TBC1D22A: variants seen among roughly 807,000 people sequenced by gnomAD.
TBC1D22A encodes the protein TBC1 domain family member 22A.
Under a neutral mutation model 60.2 loss-of-function variants are expected in TBC1D22A, and 38 were observed. That is an observed-to-expected ratio of 0.63 (90% confidence interval 0.49 to 0.83). The LOEUF is 0.83. TBC1D22A is among the 40% of genes least tolerant of loss of function. TBC1D22A has a pLI of 0.00. For synonymous variants in TBC1D22A, 302 were observed against 281.7 expected (o/e 1.07, Z -0.72); for missense variants, 628 against 701.0 (o/e 0.90, Z 1.18).
intron 1 of TBC1D22A, among the ~76,000 whole-genome samples, chr22:46,791,687 C>T (rs2084416459): frequency 6.6e-6 from 1 of 152,200 alleles, no homozygotes; most frequent in Non-Finnish European, 1.5e-5. Flanking sequence ...ACAGTGTCTG[C>T]CACGTGGGGT....
chr22:47,108,449 C>G (rs565337310), intron 11 of TBC1D22A, among the ~76,000 whole-genome samples: 1 of 152,266 alleles, frequency 6.6e-6, no homozygotes, highest in African/African-American at 2.4e-5. Context: ...AGACCAAAAC[C>G]AAATGTGTAT....
At chr22:47,134,448 G>A (rs1021919324) in intron 12 of TBC1D22A, among the ~76,000 whole-genome samples, 2 of 152,220 alleles carry the variant, frequency 1.3e-5, no homozygotes, top group African/African-American at 4.8e-5. Context: ...GTAGCCCACC[G>A]CCCCTCGCCA....
chr22:46,938,726 C>T (rs1022641931), intron 8 of TBC1D22A, among the ~76,000 whole-genome samples: 1 of 151,966 alleles, frequency 6.6e-6, no homozygotes, highest in Non-Finnish European at 1.5e-5. Context: ...GCTGGGATTA[C>T]AGGCACCTGC....
At chr22:46,960,637 G>A (rs2073445667) in intron 8 of TBC1D22A, among the ~76,000 whole-genome samples, 1 of 152,180 alleles carries the variant, frequency 6.6e-6, no homozygotes, top group South Asian at 2.1e-4. Flanking sequence ...AGGCATAGCT[G>A]AGGACAAAAG....
chr22:46,995,754 C>T (rs1407453110), intron 9 of TBC1D22A, among the ~76,000 whole-genome samples: 1 of 152,138 alleles, frequency 6.6e-6, no homozygotes, highest in East Asian at 1.9e-4. Context: ...CTTCCTCCAC[C>T]TGCGGATTCT....
At chr22:46,905,351 C>G (rs1464584494) in intron 7 of TBC1D22A, among the ~76,000 whole-genome samples, 2 of 152,208 alleles carry the variant, frequency 1.3e-5, no homozygotes, top group Admixed American at 6.5e-5. Flanking sequence ...CTGATGGAGA[C>G]AGTCATCCTG....
intron 8 of TBC1D22A, among the ~76,000 whole-genome samples, chr22:46,949,090 G>C (rs1172822283): frequency 6.6e-5 from 10 of 152,212 alleles, no homozygotes; most frequent in Non-Finnish European, 1.0e-4. Flanking sequence ...CTGACCCAAT[G>C]AGGGAGCACA....
At chr22:46,801,381 C>T (rs2084889036) in intron 4 of TBC1D22A, among the ~76,000 whole-genome samples, 3 of 152,236 alleles carry the variant, frequency 2.0e-5, no homozygotes, top group Non-Finnish European at 4.4e-5. Context: ...TGAGAAGTGC[C>T]TACAGAAATG....
chr22:47,011,992 G>T lies in TBC1D22A; in HGVS notation c.1201+14283G>T, dbSNP rs79917746. Among the ~76,000 whole-genome samples the T allele has an allele frequency of 3.0e-3, 461 of 151,752 alleles. 3 individuals are homozygous for T. Among genetic ancestry groups the T allele is most frequent in the African/African-American group, 0.011 (445 of 41,318 alleles). ...CTCAAAGTAAATCCTTTCCCACCCC[G>T]CTCTGCCTTGGTGGCCTTGTCCCCA... On this transcript the variant is annotated intron_variant, in intron 10 of 12. Coordinates refer to ENST00000337137, the MANE Select transcript of TBC1D22A (RefSeq NM_014346.5).
intron 4 of TBC1D22A, among the ~76,000 whole-genome samples, chr22:46,854,824 A>C (rs1322999707): frequency 6.6e-6 from 1 of 151,972 alleles, no homozygotes; most frequent in Non-Finnish European, 1.5e-5. Flanking sequence ...TCTTAATCGG[A>C]CTCCTAATTA....
intron 8 of TBC1D22A, among the ~76,000 whole-genome samples, chr22:46,934,901 A>AC (rs777697494): frequency 6.6e-6 from 1 of 152,204 alleles, no homozygotes; most frequent in Non-Finnish European, 1.5e-5. Flanking sequence ...CAGCGTTTTC[A>AC]CAAGGCCAGC....
At chr22:47,127,919 C>T (rs544213386) in intron 12 of TBC1D22A, among the ~76,000 whole-genome samples, 14 of 147,882 alleles carry the variant, frequency 9.5e-5, no homozygotes, top group Middle Eastern at 3.4e-3. Context: ...TGAGGGTTTC[C>T]GGCCTCTCCC....
At chr22:47,160,781 A>C (rs550093125) in intron 12 of TBC1D22A, among the ~76,000 whole-genome samples, 2 of 152,264 alleles carry the variant, frequency 1.3e-5, no homozygotes, top group East Asian at 3.9e-4. Context: ...GGAGTATCCC[A>C]TGGGAAAATG....
At chr22:47,161,161 G>A (rs2067969840) in intron 12 of TBC1D22A, among the ~76,000 whole-genome samples, 1 of 152,194 alleles carries the variant, frequency 6.6e-6, no homozygotes, top group African/African-American at 2.4e-5. Flanking sequence ...GAAAGAGACG[G>A]TGCCTGGATT....
Position 46,990,915 on chromosome 22 carries a change from G to A in TBC1D22A, c.1126-6719G>A, listed in dbSNP as rs1404419357. Among the ~76,000 whole-genome samples, 2 of 152,188 alleles carry A rather than the reference G, an allele frequency of 1.3e-5. No individual in the cohort carries two copies. The highest frequency in any genetic ancestry group is 2.9e-5 in the Non-Finnish European group (2 of 68,046). On this transcript the variant is annotated intron_variant, in intron 9 of 12. Transcript: ENST00000337137. The surrounding 1 kb of genome is among the most constrained non-coding windows in gnomAD (Gnocchi z 4.6). ...CGCTTTACTCTGCTGGTTGGCCCGT[G>A]TCTGAAGACAAGGGACAGTCACGTT...
intron 11 of TBC1D22A, among the ~76,000 whole-genome samples, chr22:47,073,195 C>T (rs2064073081): frequency 6.6e-6 from 1 of 152,166 alleles, no homozygotes; most frequent in South Asian, 2.1e-4. Flanking sequence ...ATAGACATGA[C>T]CCAGAAAACT....
intron 12 of TBC1D22A, among the ~76,000 whole-genome samples, chr22:47,113,081 G>A (rs78386538): frequency 0.024 from 3,715 of 152,334 alleles, 120 homozygotes; most frequent in African/African-American, 0.081. Context: ...AGTGCTGGCT[G>A]GGCAGGCAGC....
At chr22:47,025,348 TA>T (rs1466180479) in intron 10 of TBC1D22A, among the ~76,000 whole-genome samples, 1 of 152,240 alleles carries the variant, frequency 6.6e-6, no homozygotes, top group Non-Finnish European at 1.5e-5. Context: ...TTTGGGCCAT[TA>T]AAAAAGTTTC....
At chr22:47,101,043 A>G (rs2065395370) in intron 11 of TBC1D22A, among the ~76,000 whole-genome samples, 1 of 152,006 alleles carries the variant, frequency 6.6e-6, no homozygotes, top group Non-Finnish European at 1.5e-5. Context: ...CACTCCCGGG[A>G]GCCCTTGGGT....
Sources: gnomAD v4.1 joint callset for allele counts (sites outside exome capture counted in the v4.1 genomes callset) on GRCh38, gnomAD v4.1.1 for gene constraint, Gnocchi (gnomAD v3.1) non-coding constraint, MANE v1.5 for transcripts, NCBI Gene and HGNC (gene_info 2026-07-23, HGNC 2026-07-21) for gene names.